Variants in EPB41L5 observed in about 807,000 individuals in gnomAD.
EPB41L5 encodes erythrocyte membrane protein band 4.1 like 5.
A neutral mutation model predicts 106.6 loss-of-function variants in EPB41L5; 55 were observed. The observed-to-expected ratio is 0.52, with a 90% confidence interval of 0.42 to 0.65. The LOEUF (loss-of-function observed/expected upper bound fraction) is 0.65, where lower values mean the gene tolerates loss of function less well. Among genes scored for constraint, EPB41L5 ranks in the 30% least tolerant of loss-of-function variants. EPB41L5 has a pLI of 0.00. For missense variants in EPB41L5, 871 were observed against 882.1 expected, an observed-to-expected ratio of 0.99 and a Z score of 0.16; for synonymous variants, 297 against 306.7, an observed-to-expected ratio of 0.97 and a Z score of 0.33.
At chr2:120,024,823 T>C (rs1183106339) in intron 2 of EPB41L5, among the ~76,000 whole-genome samples, 1 of 152,186 alleles carries the variant, frequency 6.6e-6, no homozygotes, top group Non-Finnish European at 1.5e-5. Context: ...TTTGTGCATG[T>C]TGAACCAGCC....
intron 2 of EPB41L5, among the ~76,000 whole-genome samples, chr2:120,022,096 A>G (rs973311607): frequency 6.6e-6 from 1 of 152,214 alleles, no homozygotes; most frequent in Non-Finnish European, 1.5e-5. Flanking sequence ...TTAAGAGCTT[A>G]GTATTGGTAA....
chr2:120,161,165 C>G (rs926084319), intron 21 of EPB41L5, among the ~76,000 whole-genome samples, 191 bp downstream of exon 21: 1 of 151,418 alleles, frequency 6.6e-6, no homozygotes, highest in Non-Finnish European at 1.5e-5. Flanking sequence ...ACCACTTGAG[C>G]TCAGGAGTTC....
At chr2:120,088,075 A>G (rs1683184882) in intron 11 of EPB41L5, among the ~76,000 whole-genome samples, 1 of 152,250 alleles carries the variant, frequency 6.6e-6, no homozygotes, top group Admixed American at 6.5e-5. Flanking sequence ...TTTGAGCAAA[A>G]TGTTAACAGT....
At chr2:120,060,388 T>C (rs1328187488) in intron 3 of EPB41L5, among the ~76,000 whole-genome samples, 1 of 152,142 alleles carries the variant, frequency 6.6e-6, no homozygotes, top group Non-Finnish European at 1.5e-5. Flanking sequence ...AAGTGAATGA[T>C]TAAACAGTGG....
At chr2:120,107,411 TTC>T (rs530220505) in intron 16 of EPB41L5, among the ~76,000 whole-genome samples, 3 of 152,206 alleles carry the variant, frequency 2.0e-5, no homozygotes, top group Non-Finnish European at 4.4e-5. Flanking sequence ...CAATAACGTT[TTC>T]TCTCTTTCCC....
At chr2:120,080,355 G>A (rs1354623900) in intron 10 of EPB41L5, among the ~76,000 whole-genome samples, 1 of 152,130 alleles carries the variant, frequency 6.6e-6, no homozygotes. Flanking sequence ...AGAACATGCG[G>A]TGTTTGGTTT....
intron 11 of EPB41L5, 32 bp from the exon 12 acceptor site, chr2:120,090,315 A>G (rs1173558384): frequency 2.1e-5 from 32 of 1,539,668 alleles, no homozygotes; most frequent in Non-Finnish European, 2.8e-5. Context: ...TGAATTAGTA[A>G]TCATCCTTTT....
At chr2:120,151,611 T>C (rs1006914137) in intron 20 of EPB41L5, among the ~76,000 whole-genome samples, 20 of 105,036 alleles carry the variant, frequency 1.9e-4, no homozygotes, top group African/African-American at 8.9e-4. Context: ...CGTCTGGCCC[T>C]TTTTTTTTTT....
At chr2:120,098,790 T>C (rs1683940651) in intron 14 of EPB41L5, among the ~76,000 whole-genome samples, 1 of 152,222 alleles carries the variant, frequency 6.6e-6, no homozygotes, top group Non-Finnish European at 1.5e-5. Flanking sequence ...CTCTCTTCAT[T>C]CTTAGGTTCT....
At chr2:120,016,354 C>T (rs917045406) in intron 1 of EPB41L5, among the ~76,000 whole-genome samples, 2 of 151,684 alleles carry the variant, frequency 1.3e-5, no homozygotes, top group Non-Finnish European at 2.9e-5. Flanking sequence ...CTCTTGAACC[C>T]GGCAGGTGGA....
At chr2:120,092,548 G>A (rs1216452158) in intron 13 of EPB41L5, among the ~76,000 whole-genome samples, 1 of 152,138 alleles carries the variant, frequency 6.6e-6, no homozygotes, top group Non-Finnish European at 1.5e-5. Flanking sequence ...AACTGAATTT[G>A]CATTAAAATG....
intron 2 of EPB41L5, among the ~76,000 whole-genome samples, chr2:120,028,313 A>G (rs998608313): frequency 2.0e-5 from 3 of 151,888 alleles, no homozygotes; most frequent in Admixed American, 1.3e-4. Flanking sequence ...GGGTGGGAGG[A>G]TAGCTTGAGT....
At chr2:120,168,458 G>A (rs563909155) in intron 24 of EPB41L5, among the ~76,000 whole-genome samples, 11 of 152,232 alleles carry the variant, frequency 7.2e-5, no homozygotes, top group Non-Finnish European at 1.0e-4. Context: ...ATTTCAAGGC[G>A]TTGCTTGCTA....
In EPB41L5 at chr2:120,144,901, T is replaced by C. The variant is rs534664587; in HGVS notation, c.1729-1324T>C. The stretch of plus-strand genomic sequence containing the variant: ...CACCATATTAAAAAATACATAAAAT[T>C]GTCTCAATTCATGTAGAAAAGCATT... On this transcript the variant is annotated intron_variant, in intron 19 of 24. Coordinates refer to ENST00000263713, the MANE Select transcript of EPB41L5 (RefSeq NM_020909.4). Among the ~76,000 whole-genome samples, 39 of 152,310 alleles carry C rather than the reference T, an allele frequency of 2.6e-4. No individual in the cohort carries two copies. The South Asian group carries it at 7.7e-3, about 30-fold the overall frequency.
In EPB41L5 at chr2:120,017,942, A is replaced by G. The variant is rs568962548; in HGVS notation, c.-8-1135A>G. 2.3e-4 allele frequency among the ~76,000 whole-genome samples: 32 copies of G among 139,168 alleles called. 1 individual carries two copies. In the South Asian group the frequency reaches 3.7e-3, roughly 16 times the overall value. 91.3% of individuals were successfully genotyped at this position (139,168 alleles called of 152,430 possible). A position where few individuals can be genotyped will look rare whatever the true frequency, so the allele number is the denominator to read the frequency against. On this transcript the variant is annotated intron_variant, in intron 1 of 24. Transcript: ENST00000263713. ...CTCCCCAGTAGCCGGGACTACAGGC[A>G]CCCGCCACCACACCCGGCCAATTTT... is the stretch of plus-strand genomic sequence containing the variant.
chr2:120,087,827 T>G (rs1558863552), intron 11 of EPB41L5, among the ~76,000 whole-genome samples: 1 of 152,126 alleles, frequency 6.6e-6, no homozygotes, highest in Non-Finnish European at 1.5e-5. Context: ...AAGATCTACC[T>G]AATAATAATA....
At chr2:120,058,791 G>A (rs1477878127) in intron 3 of EPB41L5, among the ~76,000 whole-genome samples, 3 of 152,130 alleles carry the variant, frequency 2.0e-5, no homozygotes, top group Non-Finnish European at 4.4e-5. Context: ...TAAAAATAGC[G>A]TGGCTGATGG....
At chr2:120,127,490 T>C (rs2105462294) in intron 16 of EPB41L5, among the ~76,000 whole-genome samples, 198 bp from the exon 17 acceptor site, 2 of 152,360 alleles carry the variant, frequency 1.3e-5, no homozygotes, top group East Asian at 3.9e-4. Flanking sequence ...GAAAACCTAA[T>C]ACAATATAAA....
At chr2:120,108,458 T>TA (rs1684576752) in intron 16 of EPB41L5, 1 of 152,198 alleles carries the variant, frequency 6.6e-6, no homozygotes, top group African/African-American at 2.4e-5. Context: ...GATTCCTTAA[T>TA]AAAGCTCGCA....
Sources: gnomAD v4.1 joint callset for allele counts (sites outside exome capture counted in the v4.1 genomes callset) on GRCh38, gnomAD v4.1.1 for gene constraint, MANE v1.5 for transcripts, NCBI Gene and HGNC (gene_info 2026-07-23, HGNC 2026-07-21) for gene names.